DMD: variants seen among roughly 807,000 people sequenced by gnomAD.
DMD encodes the protein dystrophin, also known as mutant dystrophin.
In DMD, 63 loss-of-function variants were observed where a neutral mutation model predicts 330.1. The ratio of observed to expected loss-of-function variants is 0.19; its 90% CI spans 0.16 to 0.24. The LOEUF (loss-of-function observed/expected upper bound fraction) is 0.24. Ranked by LOEUF, DMD falls within the 10% of genes least tolerant of loss-of-function variation. The pLI is 1.00. For missense variants in DMD, 3,344 were observed against 2,684.1 expected (o/e 1.25, Z -5.43); for synonymous variants, 1,223 against 959.8 (o/e 1.27, Z -5.07).
intron 44 of DMD, among the ~76,000 whole-genome samples, chrX:32,050,894 T>A (rs1438335330): frequency 1.8e-5 from 2 of 110,584 alleles, no homozygotes; most frequent in African/African-American, 6.6e-5. Flanking sequence ...CTCTGGCACA[T>A]CTTTATATGA....
chrX:33,261,517 A>G (rs2052954589), intron 1 of DMD, among the ~76,000 whole-genome samples: 1 of 109,441 alleles, frequency 9.1e-6, no homozygotes, highest in Non-Finnish European at 1.9e-5. Context: ...GTTATGGCAA[A>G]AGTTCACCCA....
At chrX:32,384,187 T>C (rs2097943127) in intron 33 of DMD, among the ~76,000 whole-genome samples, 1 of 110,430 alleles carries the variant, frequency 9.1e-6, no homozygotes, top group South Asian at 3.8e-4. Context: ...TAGAGATTAT[T>C]CAATCTCTAA....
rs1311158904 is a variant in DMD at position 32,952,139 on chromosome X, G to GT, written c.93+67999dup. On this transcript the variant is annotated intron_variant, in intron 2 of 78. Coordinates refer to ENST00000357033, the MANE Select transcript of DMD (RefSeq NM_004006.3). ...ATTTGTTCAGCTTCTTTTTTTGTTT[G>GT]TTTTTTTTTTTTGAGACTCAGTCTC... 7.6e-3 allele frequency among the ~76,000 whole-genome samples: 763 copies of GT among 100,728 alleles called. 3 individuals carry two copies. Among genetic ancestry groups the GT allele is most frequent in the Middle Eastern group, 9.9e-3 (2 of 202 alleles). 87.5% of individuals were successfully genotyped at this position (100,728 alleles called of 115,157 possible).
chrX:31,485,335 C>T (rs2068704540), intron 57 of DMD, among the ~76,000 whole-genome samples: 1 of 111,415 alleles, frequency 9.0e-6, no homozygotes, highest in Admixed American at 9.5e-5. Flanking sequence ...GATGGGACTA[C>T]AGGCACGCGC....
chrX:32,423,137 G>A (rs1230759802), intron 29 of DMD, among the ~76,000 whole-genome samples: 1 of 109,828 alleles, frequency 9.1e-6, no homozygotes, highest in African/African-American at 3.3e-5. Context: ...CCATACTACT[G>A]ATTTAGCTTT....
intron 1 of DMD, among the ~76,000 whole-genome samples, chrX:33,253,874 G>T: frequency 9.0e-6 from 1 of 110,694 alleles, no homozygotes; most frequent in Admixed American, 9.7e-5. Context: ...ATTTATTCAT[G>T]TATAAAACTG....
chrX:33,039,342 C>T (rs778591692), intron 1 of DMD, among the ~76,000 whole-genome samples: 4 of 107,577 alleles, frequency 3.7e-5, no homozygotes, highest in South Asian at 4.3e-4. Context: ...TTCCTTCCTA[C>T]GCCCACCCCA....
At chrX:32,900,223 A>G (rs550575398) in intron 2 of DMD, among the ~76,000 whole-genome samples, 2 of 112,299 alleles carry the variant, frequency 1.8e-5, no homozygotes, top group African/African-American at 6.5e-5. Flanking sequence ...CATCTGGTAA[A>G]ATTGTGTTGG....
At chrX:31,284,572 C>CTTCTTCTTCTTCTTCTTA (rs2052938949) in intron 62 of DMD, among the ~76,000 whole-genome samples, 1 of 79,524 alleles carries the variant, frequency 1.3e-5, no homozygotes, top group Admixed American at 1.3e-4. Flanking sequence ...TCTTCTTCTT[C>CTTCTTCTTCTTCTTCTTA]TTCTTCTTCT....
intron 52 of DMD, among the ~76,000 whole-genome samples, chrX:31,680,076 G>A (rs945565532): frequency 8.9e-6 from 1 of 112,017 alleles, no homozygotes; most frequent in African/African-American, 3.2e-5. Flanking sequence ...ATGACTAATT[G>A]TAGGAATTGG....
At chrX:32,859,844 GCTTC>G (rs2081942812) in intron 2 of DMD, among the ~76,000 whole-genome samples, 1 of 110,687 alleles carries the variant, frequency 9.0e-6, no homozygotes, top group South Asian at 3.8e-4. Flanking sequence ...ACCTTTAATG[GCTTC>G]CTTTTCAAGT....
chrX:31,508,697 A>G (rs1037699618), intron 55 of DMD, among the ~76,000 whole-genome samples: 2 of 111,766 alleles, frequency 1.8e-5, no homozygotes, highest in African/African-American at 6.5e-5. Context: ...TTGCTCTTAG[A>G]GATTTGTATG....
intron 18 of DMD, among the ~76,000 whole-genome samples, chrX:32,515,484 A>G (rs774711573): frequency 9.0e-6 from 1 of 111,176 alleles, no homozygotes; most frequent in East Asian, 2.8e-4. Context: ...TTTCAAGAGA[A>G]CCTCACAGAA....
intron 47 of DMD, among the ~76,000 whole-genome samples, chrX:31,884,442 A>G (rs189872853): frequency 9.0e-6 from 1 of 111,487 alleles, no homozygotes; most frequent in East Asian, 2.8e-4. Context: ...AAATCTAAAA[A>G]TGTCAAACTC....
At chrX:32,965,083 G>A (rs1462775315) in intron 2 of DMD, among the ~76,000 whole-genome samples, 1 of 85,083 alleles carries the variant, frequency 1.2e-5, no homozygotes, top group Non-Finnish European at 2.1e-5. Context: ...GAGTGAGAAC[G>A]AGGATGAGGG....
intron 74 of DMD, among the ~76,000 whole-genome samples, chrX:31,151,381 T>C (rs1471267592): frequency 1.8e-5 from 2 of 112,453 alleles, no homozygotes; most frequent in African/African-American, 6.5e-5. Flanking sequence ...GGTGTTCCTT[T>C]TGAAAACAGT....
At chrX:32,565,462 C>T (rs890037277) in intron 16 of DMD, among the ~76,000 whole-genome samples, 1 of 111,422 alleles carries the variant, frequency 9.0e-6, no homozygotes, top group Admixed American at 9.6e-5. Flanking sequence ...CTCAGTTCCC[C>T]GTTACTATTG....
intron 7 of DMD, among the ~76,000 whole-genome samples, chrX:32,738,205 G>A (rs533300427): frequency 3.6e-5 from 4 of 111,810 alleles, no homozygotes; most frequent in African/African-American, 1.3e-4. Flanking sequence ...GGTTGCGTAG[G>A]CACAGGAATA....
chrX:31,342,385 A>T (rs761906540), intron 61 of DMD, among the ~76,000 whole-genome samples: 12 of 112,209 alleles, frequency 1.1e-4, no homozygotes, highest in Non-Finnish European at 2.1e-4. Flanking sequence ...GTGTGCCTGA[A>T]AAAGGCTTCC....
Sources: allele counts gnomAD v4.1 joint callset (sites outside exome capture counted in the v4.1 genomes callset), GRCh38; gene constraint gnomAD v4.1.1; transcripts MANE v1.5; gene names NCBI Gene and HGNC (gene_info 2026-07-23, HGNC 2026-07-21).